The following PGLYRP3 variants were observed in gnomAD, a reference collection of about 807,000 sequenced individuals.
PGLYRP3 encodes peptidoglycan recognition protein 3.
PGLYRP3 carries 39 observed loss-of-function variants against 36.0 expected under a neutral mutation model. The observed-to-expected ratio is 1.08, with a 90% CI of 0.84 to 1.41. The LOEUF is 1.41. Among genes scored for constraint, PGLYRP3 ranks in the 40% most tolerant of loss-of-function variants. The pLI, the probability that PGLYRP3 is intolerant of heterozygous loss-of-function variation, is 0.00. For missense variants in PGLYRP3, 407 were observed against 427.9 expected, an observed-to-expected ratio of 0.95 and a Z score of 0.43; for synonymous variants, 204 against 172.8, an observed-to-expected ratio of 1.18 and a Z score of -1.42.
In PGLYRP3 at chr1:153,303,980, CT is replaced by C. The variant is rs766649838; in HGVS notation, c.405del (p.Ala136LeufsTer5). 4.3e-6 allele frequency: 7 copies of C among 1,613,830 alleles called. No homozygotes were observed. The East Asian group carries it at 1.1e-4, about 26-fold the overall frequency. ...IGSSPSPAALSAAEGLISYAI... is the reference protein window; with the variant it reads ...IGSSPSPAALXAAEGLISYAI... ...GCATAGGAGATCAGACCCTCTGCAG[CT>C]GATAAGGCAGCAGGGCTGGGACTGC... On this transcript the variant is annotated frameshift_variant, in exon 5 of 8. Coordinates refer to ENST00000683862, the MANE Select transcript of PGLYRP3 (RefSeq NM_052891.3). LOFTEE classifies it high-confidence loss of function.
At chr1:153,308,344 A>T (rs1659809639) in intron 2 of PGLYRP3, among the ~76,000 whole-genome samples, 5 of 152,060 alleles carry the variant, frequency 3.3e-5, no homozygotes, top group Admixed American at 3.3e-4. Context: ...CCTTAGGCTG[A>T]GGAACTCCCC....
At position 153,307,116 on chromosome 1, in the gene PGLYRP3, C is replaced by A. The variant is rs1204333265; in HGVS notation, c.207G>T (p.Gly69=). Reference sequence around the variant, plus strand: ...TGGTGTAGACGGAATGGGACTGCAACCCCCGCAGCATCTGGCTGCAAACGC... The same window carrying A: ...TGGTGTAGACGGAATGGGACTGCAAACCCCGCAGCATCTGGCTGCAAACGC... ...QQSVCSQMLR[G]LQSHSVYTIG... Residue 69 remains glycine (G), a synonymous_variant, in exon 3 of 8, where the codon GGG becomes GGT. Coordinates refer to ENST00000683862, the MANE Select transcript of PGLYRP3 (RefSeq NM_052891.3). 3 of 1,613,636 alleles carry A rather than the reference C, an allele frequency of 1.9e-6. No homozygotes were observed. The South Asian group carries it at 3.3e-5, about 18-fold the overall frequency.
At chr1:153,301,435 A>G (rs1419421992) in intron 6 of PGLYRP3, among the ~76,000 whole-genome samples, 2 of 152,232 alleles carry the variant, frequency 1.3e-5, no homozygotes, top group African/African-American at 2.4e-5. Context: ...GGTTTTGAAA[A>G]GTCAAGGAAC....
At position 153,310,778 on chromosome 1, in the gene PGLYRP3, C is replaced by G. The variant is rs1659876131; in HGVS notation, c.-41-72G>C. 3 of 925,458 alleles carry G rather than the reference C, an allele frequency of 3.2e-6. No individual in the cohort carries two copies. In the South Asian group the frequency reaches 4.4e-5, roughly 14 times the overall value. The allele number at this position is 925,458 out of a possible 1,614,324, so 57.3% of individuals were successfully genotyped here. A position where few individuals can be genotyped will look rare whatever the true frequency, so the allele number is the denominator to read the frequency against. ...TGGAGCACCCACCTACTATGTGGCACCACTGTCTGCCTCCCCTACCATCCT... is the reference window on the plus strand; with the variant it reads ...TGGAGCACCCACCTACTATGTGGCAGCACTGTCTGCCTCCCCTACCATCCT... On this transcript the variant is annotated intron_variant, in intron 1 of 7. Coordinates refer to ENST00000683862, the MANE Select transcript of PGLYRP3 (RefSeq NM_052891.3).
Position 153,297,496 on chromosome 1 carries a change from GTGAAA to G in PGLYRP3, c.*455_*459del. Among the ~76,000 whole-genome samples, 4 of 70,326 alleles carry G rather than the reference GTGAAA, an allele frequency of 5.7e-5. No homozygotes were observed. The highest frequency in any genetic ancestry group is 2.2e-4 in the African/African-American group (4 of 18,434). The allele number at this position is 70,326 out of a possible 152,430, so 46.1% of individuals were successfully genotyped here. A position where few individuals can be genotyped will look rare whatever the true frequency, so the allele number is the denominator to read the frequency against. On this transcript the variant is annotated 3_prime_UTR_variant, in exon 8 of 8. Transcript: ENST00000683862. Reference sequence around the variant, plus strand: ...AGAGAGTGAGAAAGCAAGAAAGAAGGTGAAAGGAAGGAAGGAAGGAAGGAAGGAAG... The same window carrying G: ...AGAGAGTGAGAAAGCAAGAAAGAAGGGGAAGGAAGGAAGGAAGGAAGGAAG...
chr1:153,306,971 A>G (rs1659752807), intron 3 of PGLYRP3, 95 bp downstream of exon 3: 1 of 1,142,050 alleles, frequency 8.8e-7, no homozygotes, highest in Non-Finnish European at 1.2e-6. Flanking sequence ...AGCAATGTAA[A>G]TGAAGCGCAG....
chr1:153,298,010 G>GGACAGGATGTTGACCACGTCACT lies in PGLYRP3; in HGVS notation c.949_971dup (p.Pro325ValfsTer94). On this transcript the variant is annotated frameshift_variant, in exon 8 of 8. Coordinates refer to ENST00000683862, the MANE Select transcript of PGLYRP3 (RefSeq NM_052891.3). LOFTEE classifies it high-confidence loss of function. ...TGATGTTATACAAAGCCTGCCCAGG[G>GGACAGGATGTTGACCACGTCACT]GACAGGATGTTGACCACGTCACTGT... 6.2e-7 allele frequency: 1 copy of GGACAGGATGTTGACCACGTCACT among 1,613,970 alleles called. No homozygotes were observed. The highest frequency in any genetic ancestry group is 8.5e-7 in the Non-Finnish European group (1 of 1,179,978).
chr1:153,301,257 T>C (rs752389200), intron 6 of PGLYRP3, among the ~76,000 whole-genome samples: 6 of 152,214 alleles, frequency 3.9e-5, no homozygotes, highest in Non-Finnish European at 8.8e-5. Context: ...CTCTGTTTGT[T>C]GTTAGATTGA....
rs112865856 is a variant in PGLYRP3 at position 153,297,880 on chromosome 1, G to A, written c.*76C>T. 5 of 1,514,808 alleles carry A rather than the reference G, an allele frequency of 3.3e-6. No homozygotes were observed. In the African/African-American group the frequency reaches 6.8e-5, roughly 21 times the overall value. The allele number at this position is 1,514,808 out of a possible 1,614,324, so 93.8% of individuals were successfully genotyped here. Reference sequence around the variant, plus strand: ...GCAGGGGAGGGGGACACAAGGTGCTGAGCCACCTTGGCTGGTGAGGGTTGG... The same window carrying A: ...GCAGGGGAGGGGGACACAAGGTGCTAAGCCACCTTGGCTGGTGAGGGTTGG... On this transcript the variant is annotated 3_prime_UTR_variant, in exon 8 of 8. Transcript: ENST00000683862.
At chr1:153,305,121 A>T (rs1659707311) in intron 3 of PGLYRP3, 56 bp from the exon 4 acceptor site, 1 of 1,436,458 alleles carries the variant, frequency 7.0e-7, no homozygotes, top group Non-Finnish European at 9.6e-7. Flanking sequence ...AAAACCTCTC[A>T]CTGATCCTCA....
At chr1:153,303,514 T>C (rs557368917) in intron 5 of PGLYRP3, among the ~76,000 whole-genome samples, 1 of 152,370 alleles carries the variant, frequency 6.6e-6, no homozygotes, top group African/African-American at 2.4e-5. Flanking sequence ...CTCACTGAAG[T>C]GCAAGCTTCC....
chr1:153,303,226 T>C lies in PGLYRP3; in HGVS notation c.530-619A>G, dbSNP rs1659644816. Among the ~76,000 whole-genome samples the C allele has an allele frequency of 1.3e-5, 2 of 152,256 alleles. 1 individual carries two copies. Among genetic ancestry groups the C allele is most frequent in the South Asian group, 4.1e-4 (2 of 4,832 alleles). On this transcript the variant is annotated intron_variant, in intron 5 of 7. Coordinates refer to ENST00000683862, the MANE Select transcript of PGLYRP3 (RefSeq NM_052891.3). ...GCTTATTCACTTCAAAATAGTGCAT[T>C]ATTTTTATTACTCAGCTTTTTGTTA...
At position 153,306,383 on chromosome 1, in the gene PGLYRP3, A is replaced by T. The variant is rs1428641516; in HGVS notation, c.257+683T>A. On this transcript the variant is annotated intron_variant, in intron 3 of 7. Transcript: ENST00000683862. The stretch of plus-strand genomic sequence containing the variant: ...GAGAAAAGGTTCTGGGCTTCCACTG[A>T]TGATCCCCAGAGCAGAAACTCAATG... Among the ~76,000 whole-genome samples the T allele has an allele frequency of 2.5e-4, 38 of 152,164 alleles. 1 individual carries two copies. Among genetic ancestry groups the T allele is most frequent in the Non-Finnish European group, 1.5e-5 (1 of 68,026 alleles).
intron 3 of PGLYRP3, among the ~76,000 whole-genome samples, chr1:153,306,219 A>G (rs1659735448): frequency 2.0e-5 from 3 of 152,242 alleles, no homozygotes; most frequent in Admixed American, 6.5e-5. Context: ...TAAATAAATA[A>G]GACTTAGATT....
At chr1:153,310,453 G>T (rs1342201444) in intron 2 of PGLYRP3, among the ~76,000 whole-genome samples, 158 bp downstream of exon 2, 2 of 152,166 alleles carry the variant, frequency 1.3e-5, no homozygotes, top group Non-Finnish European at 1.5e-5. Flanking sequence ...GCAAGGATTT[G>T]AAAAAAATCT....
Position 153,297,600 on chromosome 1 carries a change from GAA to G in PGLYRP3, c.*354_*355del, listed in dbSNP as rs199894444. Reference sequence around the variant, plus strand: ...AAGAAAGAAGAAAGAAAGAAAGAAAGAAAGAGAAAGGAAGCAAAGAAAGAAAG... The same window carrying G: ...AAGAAAGAAGAAAGAAAGAAAGAAAGAGAGAAAGGAAGCAAAGAAAGAAAG... On this transcript the variant is annotated 3_prime_UTR_variant, in exon 8 of 8. Transcript: ENST00000683862. Among the ~76,000 whole-genome samples the G allele has an allele frequency of 1.7e-4, 25 of 149,566 alleles. No individual in the cohort carries two copies. Among genetic ancestry groups the G allele is most frequent in the African/African-American group, 6.3e-4 (25 of 39,900 alleles).
At position 153,304,013 on chromosome 1, in the gene PGLYRP3, A is replaced by T. The variant is rs777646853; in HGVS notation, c.377-4T>A. 1 of 1,611,010 alleles carries T rather than the reference A, an allele frequency of 6.2e-7. No individual in the cohort carries two copies. Among genetic ancestry groups the T allele is most frequent in the Admixed American group, 1.7e-5 (1 of 59,884 alleles). On this transcript the variant is annotated splice_region_variant and splice_polypyrimidine_tract_variant and intron_variant, in intron 4 of 7. Transcript: ENST00000683862. ...GCAGCAGGGCTGGGACTGCTGCCTTAAAGAGGAGGACAGGGAGCACAAAAA... is the reference window on the plus strand; with the variant it reads ...GCAGCAGGGCTGGGACTGCTGCCTTTAAGAGGAGGACAGGGAGCACAAAAA...
rs1659476078 is a variant in PGLYRP3 at position 153,297,797 on chromosome 1, C to G, written c.*159G>C. 1.3e-6 allele frequency: 1 copy of G among 791,044 alleles called. No individual in the cohort carries two copies. Among genetic ancestry groups the G allele is most frequent in the Non-Finnish European group, 2.0e-6 (1 of 505,704 alleles). 49.0% of individuals were successfully genotyped at this position (791,044 alleles called of 1,614,324 possible). A position where few individuals can be genotyped will look rare whatever the true frequency, so the allele number is the denominator to read the frequency against. On this transcript the variant is annotated 3_prime_UTR_variant, in exon 8 of 8. Transcript: ENST00000683862. ...TGCCCAGCTGTGAGGTTTGGGGGCT[C>G]CTGGAGGATGTTGGCAGGAAAGGAC...
intron 3 of PGLYRP3, among the ~76,000 whole-genome samples, chr1:153,305,453 C>T (rs916050078): frequency 3.3e-5 from 5 of 152,192 alleles, no homozygotes; most frequent in African/African-American, 4.8e-5. Flanking sequence ...ATGCCAGATT[C>T]AATAGTTCCT....
Sources: gnomAD v4.1 joint callset for allele counts (sites outside exome capture counted in the v4.1 genomes callset) on GRCh38, gnomAD v4.1.1 for gene constraint, MANE v1.5 for transcripts, NCBI Gene and HGNC (gene_info 2026-07-23, HGNC 2026-07-21) for gene names.